The following ZSWIM4 variants were observed in gnomAD, a reference collection of about 807,000 sequenced individuals.
ZSWIM4 encodes zinc finger SWIM domain-containing protein 4.
A neutral mutation model predicts 102.5 loss-of-function variants in ZSWIM4; 62 were observed. The ratio of observed to expected loss-of-function variants is 0.60; its 90% CI spans 0.49 to 0.75. ZSWIM4 has a LOEUF of 0.75. ZSWIM4 is among the 30% of genes least tolerant of loss of function. The probability of loss-of-function intolerance (pLI) is 0.00; values close to 1 mark genes in which losing one functional copy is unlikely to be tolerated. For synonymous variants in ZSWIM4, 652 were observed against 674.5 expected (o/e 0.97, Z 0.52); for missense variants, 1,280 against 1,529.6 (o/e 0.84, Z 2.72).
intron 2 of ZSWIM4, among the ~76,000 whole-genome samples, chr19:13,802,394 A>T (rs376081720): frequency 2.2e-4 from 34 of 151,452 alleles, no homozygotes; most frequent in African/African-American, 8.2e-4. Context: ...AGCCTGGCCA[A>T]CATGGTGAAA....
chr19:13,819,846 TG>T lies in ZSWIM4; in HGVS notation c.2060+355del, dbSNP rs60627585. On this transcript the variant is annotated intron_variant, in intron 10 of 13. Coordinates refer to ENST00000590508, the MANE Select transcript of ZSWIM4 (RefSeq NM_001367834.3). The stretch of plus-strand genomic sequence containing the variant: ...CCATGCCCAGCTAATTTTTGTTTTT[TG>T]TTTTTTTTTTTTTTGAGACGGAGTC... Among the ~76,000 whole-genome samples, 977 of 148,556 alleles carry T rather than the reference TG, an allele frequency of 6.6e-3. 20 individuals carry two copies. Among genetic ancestry groups the T allele is most frequent in the African/African-American group, 0.024 (934 of 39,518 alleles).
intron 2 of ZSWIM4, among the ~76,000 whole-genome samples, chr19:13,804,079 G>A (rs1394471893): frequency 2.6e-5 from 4 of 151,420 alleles, no homozygotes; most frequent in Non-Finnish European, 5.9e-5. Flanking sequence ...GGCCATGCTG[G>A]TCTTGAACTC....
At chr19:13,803,202 G>C (rs1274447290) in intron 2 of ZSWIM4, among the ~76,000 whole-genome samples, 1 of 152,192 alleles carries the variant, frequency 6.6e-6, no homozygotes, top group Non-Finnish European at 1.5e-5. Context: ...GCCACCTCCA[G>C]CTGGTATGAG....
Position 13,831,092 on chromosome 19 carries a change from T to C in ZSWIM4, c.*42T>C. On this transcript the variant is annotated 3_prime_UTR_variant, in exon 14 of 14. Transcript: ENST00000590508. The stretch of plus-strand genomic sequence containing the variant: ...TGGGAGTGGGGATCCCCCTCGCCCC[T>C]GCGTCCCCCACCCTTGCTCTCCAAT... 1 of 1,518,782 alleles carries C rather than the reference T, an allele frequency of 6.6e-7. No individual in the cohort carries two copies. The highest frequency in any genetic ancestry group is 8.8e-7 in the Non-Finnish European group (1 of 1,140,042). The allele number at this position is 1,518,782 out of a possible 1,614,324, so 94.1% of individuals were successfully genotyped here. A position where few individuals can be genotyped will look rare whatever the true frequency, so the allele number is the denominator to read the frequency against.
intron 6 of ZSWIM4, among the ~76,000 whole-genome samples, chr19:13,813,973 A>C (rs894009415): frequency 6.6e-6 from 1 of 151,538 alleles, no homozygotes; most frequent in African/African-American, 2.4e-5. Flanking sequence ...AAGTAGGAAG[A>C]GGAAGACAGA....
At chr19:13,817,414 CT>C (rs932717558) in intron 8 of ZSWIM4, 61 bp downstream of exon 8, 6 of 1,569,614 alleles carry the variant, frequency 3.8e-6, no homozygotes, top group African/African-American at 1.3e-5. Context: ...GCCACGCCCC[CT>C]GGCCCAGTAC....
chr19:13,826,501 C>G (rs756252885), intron 12 of ZSWIM4, among the ~76,000 whole-genome samples: 1 of 152,020 alleles, frequency 6.6e-6, no homozygotes, highest in Non-Finnish European at 1.5e-5. Context: ...GGTGTGGTGG[C>G]TCACATCTGT....
chr19:13,799,921 G>T lies in ZSWIM4; in HGVS notation c.355G>T (p.Gly119Ter), dbSNP rs1270017722. The change falls in exon 2 of 14, where the codon GGA becomes TGA. Residue 119 changes from glycine (G) to a stop codon, truncating the protein, a stop_gained and splice_region_variant. Coordinates refer to ENST00000590508, the MANE Select transcript of ZSWIM4 (RefSeq NM_001367834.3). LOFTEE classifies it high-confidence loss of function. ...SGAVDRVLQV[G>*]FHLSGNIREP... ...GGCCGTGGACCGCGTGTTGCAAGTG[G>T]GTGAGTCTTTGTCCCCCACTCCTGC... 6.2e-7 allele frequency: 1 copy of T among 1,608,924 alleles called. No homozygotes were observed. The highest frequency in any genetic ancestry group is 8.5e-7 in the Non-Finnish European group (1 of 1,179,434).
At chr19:13,800,289 G>A (rs1489426203) in intron 2 of ZSWIM4, among the ~76,000 whole-genome samples, 30 of 68,800 alleles carry the variant, frequency 4.4e-4, no homozygotes, top group African/African-American at 6.1e-4. Flanking sequence ...TTTTTGAGAC[G>A]GAGTCTCGCT....
intron 2 of ZSWIM4, among the ~76,000 whole-genome samples, 177 bp from the exon 3 acceptor site, chr19:13,804,614 TC>T (rs566186099): frequency 9.3e-5 from 14 of 151,306 alleles, no homozygotes; most frequent in African/African-American, 2.2e-4. Context: ...AGCACTACAC[TC>T]CAGCCTGGGC....
In ZSWIM4 at chr19:13,830,401, C is replaced by T. The variant is rs1315019108; in HGVS notation, c.2672C>T (p.Ala891Val). ...GACCCTCAGAACTGCGCCTTGCCTG[C>T]CCTGACCCTGTGCGAGAAGAACCAC... ...MKDPQNCALP[A>V]LTLCEKNHSA... Residue 891 changes from alanine to valine, a missense_variant, in exon 14 of 14, where the codon GCC becomes GTC. Coordinates refer to ENST00000590508, the MANE Select transcript of ZSWIM4 (RefSeq NM_001367834.3). The T allele has an allele frequency of 6.2e-7, 1 of 1,612,178 alleles. No homozygotes were observed. Among genetic ancestry groups the T allele is most frequent in the Non-Finnish European group, 8.5e-7 (1 of 1,179,958 alleles).
At chr19:13,804,770 G>A (rs201177136) in intron 2 of ZSWIM4, 22 bp from the exon 3 acceptor site, 112 of 1,549,100 alleles carry the variant, frequency 7.2e-5, no homozygotes, top group African/African-American at 3.0e-4. Context: ...ACACGGATGC[G>A]ACAGTTTGGC....
intron 3 of ZSWIM4, among the ~76,000 whole-genome samples, chr19:13,805,440 A>G (rs1452042210): frequency 2.0e-5 from 3 of 151,932 alleles, no homozygotes; most frequent in Non-Finnish European, 4.4e-5. Flanking sequence ...AGGGCTGGGT[A>G]TGTCAATAGA....
intron 1 of ZSWIM4, chr19:13,796,859 C>G (rs1480360716): frequency 1.3e-5 from 2 of 152,400 alleles, no homozygotes; most frequent in East Asian, 1.9e-4. Flanking sequence ...CTTTCCTGCC[C>G]GGCCTCTCTG....
intron 9 of ZSWIM4, among the ~76,000 whole-genome samples, chr19:13,818,964 G>A (rs1165732172): frequency 1.3e-5 from 2 of 151,176 alleles, no homozygotes; most frequent in African/African-American, 2.4e-5. Flanking sequence ...CCGGGTTCAC[G>A]CCATTCTCCT....
At chr19:13,821,400 G>A (rs1233679534) in intron 10 of ZSWIM4, among the ~76,000 whole-genome samples, 2 of 152,088 alleles carry the variant, frequency 1.3e-5, no homozygotes, top group South Asian at 2.1e-4. Context: ...GATCCAGCCT[G>A]GTACACATCT....
chr19:13,814,569 G>A lies in ZSWIM4; in HGVS notation c.1235G>A (p.Gly412Asp), dbSNP rs963429086. The change falls in exon 7 of 14, where the codon GGC becomes GAC. Residue 412 changes from glycine (G) to aspartate (D), a missense_variant. Coordinates refer to ENST00000590508, the MANE Select transcript of ZSWIM4 (RefSeq NM_001367834.3). ...AATSPRHTVF[G>D]RALLAGELHW... ...ACAAGTCCCCGCCACACGGTATTTG[G>A]CCGCGCCTTGCTGGCTGGAGAGCTA... 4 of 1,181,342 alleles carry A rather than the reference G, an allele frequency of 3.4e-6. No homozygotes were observed. The East Asian group carries it at 2.8e-4, about 82-fold the overall frequency. The allele number at this position is 1,181,342 out of a possible 1,614,324, so 73.2% of individuals were successfully genotyped here.
intron 3 of ZSWIM4, among the ~76,000 whole-genome samples, chr19:13,807,807 A>G (rs1419103343): frequency 6.7e-6 from 1 of 150,340 alleles, no homozygotes. Context: ...GTATGGGTGT[A>G]TGGGTGTGTT....
chr19:13,805,691 G>A (rs1974900745), intron 3 of ZSWIM4, among the ~76,000 whole-genome samples: 1 of 152,018 alleles, frequency 6.6e-6, no homozygotes, highest in Non-Finnish European at 1.5e-5. Flanking sequence ...TTCGTGATTG[G>A]CTGGGCGCAG....
Sources: gnomAD v4.1 joint callset for allele counts (sites outside exome capture counted in the v4.1 genomes callset) on GRCh38, gnomAD v4.1.1 for gene constraint, MANE v1.5 for transcripts, NCBI Gene and HGNC (gene_info 2026-07-23, HGNC 2026-07-21) for gene names.